The following CYRIB variants were observed in gnomAD, a reference collection of about 807,000 sequenced individuals.
CYRIB encodes the protein CYFIP-related Rac1 interactor B.
Under a neutral mutation model 44.2 loss-of-function variants are expected in CYRIB, and 8 were observed. The ratio of observed to expected loss-of-function variants is 0.18; its 90% CI spans 0.11 to 0.33. The LOEUF (loss-of-function observed/expected upper bound fraction) is 0.33. CYRIB is among the 10% of genes least tolerant of loss of function. The pLI, the probability that CYRIB is intolerant of heterozygous loss-of-function variation, is 1.00. For missense variants in CYRIB, 185 were observed against 382.8 expected (o/e 0.48, Z 4.31); for synonymous variants, 131 against 127.2 (o/e 1.03, Z -0.20).
At chr8:130,006,604 ATACATATATATG>A in intron 1 of CYRIB, among the ~76,000 whole-genome samples, 1 of 55,692 alleles carries the variant, frequency 1.8e-5, no homozygotes, top group African/African-American at 1.0e-4. Flanking sequence ...TTATATATAT[ATACATATATATG>A]TGTATATATA....
At chr8:129,882,564 C>T (rs2061175484) in intron 2 of CYRIB, among the ~76,000 whole-genome samples, 1 of 152,116 alleles carries the variant, frequency 6.6e-6, no homozygotes, top group Non-Finnish European at 1.5e-5. Flanking sequence ...AAGAATATTG[C>T]TGAAATGTCC....
intron 5 of CYRIB, among the ~76,000 whole-genome samples, chr8:129,855,983 T>C (rs1323121033): frequency 6.6e-6 from 1 of 152,258 alleles, no homozygotes; most frequent in African/African-American, 2.4e-5. Flanking sequence ...TTCAAGGGTT[T>C]ATAATTCTGT....
At chr8:129,926,105 G>T (rs182179218) in intron 1 of CYRIB, among the ~76,000 whole-genome samples, 1 of 152,226 alleles carries the variant, frequency 6.6e-6, no homozygotes, top group East Asian at 1.9e-4. Context: ...TTGACTTAGG[G>T]TCAAACTCAG....
intron 2 of CYRIB, chr8:129,902,876 T>G (rs2073062816): frequency 6.6e-6 from 1 of 152,252 alleles, no homozygotes; most frequent in Non-Finnish European, 1.5e-5. Context: ...CTAAAAAATT[T>G]TTTTTTAAAA....
intron 1 of CYRIB, among the ~76,000 whole-genome samples, chr8:129,992,858 T>A (rs1038160750): frequency 6.6e-6 from 1 of 152,216 alleles, no homozygotes; most frequent in African/African-American, 2.4e-5. Context: ...ACCTGTGGGC[T>A]GGCGACAGCT....
chr8:130,001,201 C>A (rs1430711302), intron 1 of CYRIB, among the ~76,000 whole-genome samples: 2 of 152,128 alleles, frequency 1.3e-5, no homozygotes, highest in South Asian at 4.1e-4. Flanking sequence ...AGAGGCAGAT[C>A]CATCCTTTTC....
intron 4 of CYRIB, among the ~76,000 whole-genome samples, chr8:129,870,350 T>C: frequency 6.6e-6 from 1 of 152,208 alleles, no homozygotes; most frequent in East Asian, 1.9e-4. Flanking sequence ...GTTGAGGCTG[T>C]AGTGAGCTGT....
intron 2 of CYRIB, among the ~76,000 whole-genome samples, chr8:129,948,297 T>TACC (rs2094296077): frequency 2.6e-5 from 4 of 152,204 alleles, no homozygotes; most frequent in Admixed American, 2.6e-4. Flanking sequence ...TCCCAAGCCC[T>TACC]ACCCTCGAGG....
chr8:129,860,047 T>C (rs2048528902), intron 5 of CYRIB, among the ~76,000 whole-genome samples: 1 of 152,152 alleles, frequency 6.6e-6, no homozygotes, highest in African/African-American at 2.4e-5. Flanking sequence ...GTATAACCCA[T>C]GGTGTATCTG....
At chr8:129,981,410 C>T (rs75648156) in intron 1 of CYRIB, among the ~76,000 whole-genome samples, 2,673 of 152,282 alleles carry the variant, frequency 0.018, 43 homozygotes, top group African/African-American at 0.042. Flanking sequence ...CTCAGCCGCC[C>T]GAAGCGCTGT....
At chr8:129,966,532 TA>T (rs2095485701) in intron 2 of CYRIB, among the ~76,000 whole-genome samples, 2 of 152,132 alleles carry the variant, frequency 1.3e-5, no homozygotes, top group South Asian at 4.1e-4. Flanking sequence ...GACTACTTCT[TA>T]AAAATTCCAC....
intron 2 of CYRIB, among the ~76,000 whole-genome samples, chr8:129,962,664 A>C (rs796941579): frequency 8.5e-5 from 13 of 152,292 alleles, no homozygotes; most frequent in African/African-American, 3.1e-4. Context: ...ACTTGATTTC[A>C]GAGCCCTCTT....
At chr8:129,936,746 G>A (rs530691787) in intron 1 of CYRIB, among the ~76,000 whole-genome samples, 17 of 130,244 alleles carry the variant, frequency 1.3e-4, no homozygotes, top group Non-Finnish European at 2.2e-4. Context: ...TTGCTCTGTC[G>A]CCCAGGCTGG....
intron 2 of CYRIB, among the ~76,000 whole-genome samples, chr8:129,898,027 G>A (rs894817401): frequency 1.3e-5 from 2 of 151,950 alleles, no homozygotes; most frequent in Non-Finnish European, 2.9e-5. Flanking sequence ...GCCTCTCAAG[G>A]TGCTGGAATT....
chr8:129,906,811 C>A (rs1426685779), intron 1 of CYRIB, among the ~76,000 whole-genome samples: 2 of 152,186 alleles, frequency 1.3e-5, no homozygotes, highest in Admixed American at 6.5e-5. Flanking sequence ...CAGACACTTT[C>A]AAAAGAAGAC....
At chr8:129,868,934 A>C (rs1266201594) in intron 4 of CYRIB, among the ~76,000 whole-genome samples, 1 of 149,902 alleles carries the variant, frequency 6.7e-6, no homozygotes, top group Non-Finnish European at 1.5e-5. Context: ...ACAGTGGCTC[A>C]TACCTATAAT....
intron 11 of CYRIB, chr8:129,844,184 A>C (rs1015399811): frequency 2.6e-5 from 4 of 152,218 alleles, no homozygotes; most frequent in Admixed American, 1.3e-4. Context: ...TTTCTACTGC[A>C]GAGTAGTTAA....
At chr8:130,010,462 T>G (rs938223281) in intron 1 of CYRIB, among the ~76,000 whole-genome samples, 1 of 152,192 alleles carries the variant, frequency 6.6e-6, no homozygotes, top group Non-Finnish European at 1.5e-5. Flanking sequence ...ATTAGAGTAC[T>G]GGATGCTTAG....
chr8:129,879,768 G>A, intron 2 of CYRIB: 1 of 280,294 alleles, frequency 3.6e-6, no homozygotes, highest in Non-Finnish European at 6.7e-6. Context: ...AATTCTTTAA[G>A]TATTCCAATA....
Sources: gnomAD v4.1 joint callset for allele counts (sites outside exome capture counted in the v4.1 genomes callset) on GRCh38, gnomAD v4.1.1 for gene constraint, MANE v1.5 for transcripts, NCBI Gene and HGNC (gene_info 2026-07-23, HGNC 2026-07-21) for gene names.